Variants in GRIN2A observed in about 807,000 individuals in gnomAD.
The protein encoded by GRIN2A is glutamate receptor ionotropic, NMDA 2A.
A neutral mutation model predicts 113.4 loss-of-function variants in GRIN2A; 22 were observed. That is an observed-to-expected ratio of 0.19 (90% confidence interval 0.14 to 0.28). GRIN2A has a LOEUF of 0.28. Ranked by LOEUF, GRIN2A falls within the 10% of genes least tolerant of loss-of-function variation. The pLI is 1.00. For synonymous variants in GRIN2A, 827 were observed against 738.4 expected, an observed-to-expected ratio of 1.12 and a Z score of -1.94; for missense variants, 1,502 against 1,887.0, an observed-to-expected ratio of 0.80 and a Z score of 3.78.
At chr16:9,963,903 T>C (rs889730193) in intron 2 of GRIN2A, among the ~76,000 whole-genome samples, 4 of 152,190 alleles carry the variant, frequency 2.6e-5, no homozygotes, top group African/African-American at 9.7e-5. Flanking sequence ...TGCCATGTCC[T>C]GGTGGAGGAG....
intron 2 of GRIN2A, among the ~76,000 whole-genome samples, chr16:10,149,000 T>A (rs888153591): frequency 2.0e-5 from 3 of 152,234 alleles, no homozygotes; most frequent in Non-Finnish European, 4.4e-5. Context: ...CTCACCCATC[T>A]GTGGGAGCTA....
At chr16:9,980,947 C>G (rs1216904897) in intron 2 of GRIN2A, among the ~76,000 whole-genome samples, 1 of 150,808 alleles carries the variant, frequency 6.6e-6, no homozygotes, top group Non-Finnish European at 1.5e-5. Flanking sequence ...ATGTAACAAA[C>G]CTGCACGTTG....
chr16:10,040,652 CAAAT>C (rs2047148217), intron 2 of GRIN2A, among the ~76,000 whole-genome samples: 1 of 152,010 alleles, frequency 6.6e-6, no homozygotes, highest in South Asian at 2.1e-4. Flanking sequence ...CATACACACA[CAAAT>C]ACACACACAC....
chr16:10,071,093 G>T (rs1453655273), intron 2 of GRIN2A, among the ~76,000 whole-genome samples: 2 of 152,176 alleles, frequency 1.3e-5, no homozygotes, highest in Non-Finnish European at 2.9e-5. Context: ...GGGAAATCTA[G>T]TGTGTTAAAA....
rs886042648 is a variant in GRIN2A at position 9,763,822 on chromosome 16, C to T, written c.3722G>A (p.Arg1241Gln). ...RSPFKCDACL[R>Q]MGNLYDIDED... ...ATCGATGTCATAGAGGTTCCCCATC[C>T]GCAGGCAGGCATCGCACTTGAAGGG... The change falls in exon 13 of 13, where the codon CGG becomes CAG. Residue 1241 changes from arginine (R) to glutamine (Q), a missense_variant. Arg to Gln is a conservative substitution (Grantham distance 43). Transcript: ENST00000330684. 6.8e-6 allele frequency: 11 copies of T among 1,613,976 alleles called. No homozygotes were observed. Among genetic ancestry groups the T allele is most frequent in the African/African-American group, 1.3e-5 (1 of 74,894 alleles).
chr16:9,898,792 T>G (rs1374582428), intron 3 of GRIN2A, among the ~76,000 whole-genome samples: 1 of 75,038 alleles, frequency 1.3e-5, no homozygotes, highest in Non-Finnish European at 2.5e-5. Flanking sequence ...CACAGAGTGT[T>G]TTTTTTTTGT....
At chr16:9,880,596 GAGGCTTAGA>G (rs763909864) in intron 4 of GRIN2A, among the ~76,000 whole-genome samples, 1 of 152,138 alleles carries the variant, frequency 6.6e-6, no homozygotes, top group Non-Finnish European at 1.5e-5. Context: ...TCCCAGGGGA[GAGGCTTAGA>G]AAAGGCCAAG....
At chr16:9,961,648 C>T (rs1258651903) in intron 2 of GRIN2A, among the ~76,000 whole-genome samples, 1 of 152,202 alleles carries the variant, frequency 6.6e-6, no homozygotes, top group African/African-American at 2.4e-5. Context: ...TGCACTTGCA[C>T]CTCTTAAATT....
chr16:10,027,878 C>CAAACCAAAAGACAAGCAAA (rs2046853019), intron 2 of GRIN2A, among the ~76,000 whole-genome samples: 1 of 152,200 alleles, frequency 6.6e-6, no homozygotes, highest in African/African-American at 2.4e-5. Flanking sequence ...CCGAAAAGCA[C>CAAACCAAAAGACAAGCAAA]CCTTGTCTTT....
Position 9,763,992 on chromosome 16 carries a change from A to G in GRIN2A, c.3552T>C (p.Tyr1184=). ...NEEGLSNNDQ[Y]KLYSKHFTLK... is the part of the protein sequence containing the mutation. Reference sequence around the variant, plus strand: ...AGGTGAAGTGCTTGGAGTAGAGTTTATACTGGTCGTTGTTGGAAAGCCCCT... The same window carrying G: ...AGGTGAAGTGCTTGGAGTAGAGTTTGTACTGGTCGTTGTTGGAAAGCCCCT... The change falls in exon 13 of 13, where the codon TAT becomes TAC. Residue 1184 remains tyrosine, a synonymous_variant. Transcript: ENST00000330684. 6.2e-7 allele frequency: 1 copy of G among 1,614,088 alleles called. No homozygotes were observed. Among genetic ancestry groups the G allele is most frequent in the East Asian group, 2.2e-5 (1 of 44,858 alleles).
intron 5 of GRIN2A, 66 bp from the exon 6 acceptor site, chr16:9,841,170 G>C: frequency 7.6e-7 from 1 of 1,321,726 alleles, no homozygotes; most frequent in South Asian, 1.2e-5. Flanking sequence ...ATCATTAGCT[G>C]TACTCTTCTC....
intron 11 of GRIN2A, among the ~76,000 whole-genome samples, chr16:9,790,223 G>A (rs1902523873): frequency 6.6e-6 from 1 of 152,162 alleles, no homozygotes; most frequent in African/African-American, 2.4e-5. Flanking sequence ...TACTGCAGAG[G>A]TCAAGTCTTT....
intron 2 of GRIN2A, among the ~76,000 whole-genome samples, chr16:10,149,956 G>C (rs955046561): frequency 6.6e-6 from 1 of 152,196 alleles, no homozygotes; most frequent in African/African-American, 2.4e-5. Flanking sequence ...CAGAACAGGT[G>C]TGAAGAGGCT....
intron 2 of GRIN2A, among the ~76,000 whole-genome samples, chr16:10,022,597 A>T (rs547343214): frequency 2.5e-4 from 38 of 152,138 alleles, no homozygotes; most frequent in African/African-American, 8.4e-4. Flanking sequence ...CTCTTCCCTC[A>T]CCTCAGACTG....
At chr16:10,133,214 G>T (rs890563499) in intron 2 of GRIN2A, among the ~76,000 whole-genome samples, 2 of 152,210 alleles carry the variant, frequency 1.3e-5, no homozygotes, top group African/African-American at 4.8e-5. Flanking sequence ...ATCTTTGAGA[G>T]GTCGTAGTTC....
At chr16:9,921,449 C>T (rs906792519) in intron 3 of GRIN2A, among the ~76,000 whole-genome samples, 3 of 152,176 alleles carry the variant, frequency 2.0e-5, no homozygotes, top group Admixed American at 6.5e-5. Context: ...GAGAGGTCAT[C>T]TTGATACTGA....
intron 2 of GRIN2A, among the ~76,000 whole-genome samples, chr16:10,070,255 C>T (rs532603839): frequency 3.3e-5 from 5 of 152,260 alleles, no homozygotes; most frequent in South Asian, 2.1e-4. Context: ...TCCATTTAGG[C>T]CTCCTGACTT....
Position 10,068,749 on chromosome 16 carries a change from G to A in GRIN2A, c.414+111249C>T, listed in dbSNP as rs1199241316. Among the ~76,000 whole-genome samples, 5 of 152,218 alleles carry A rather than the reference G, an allele frequency of 3.3e-5. No individual in the cohort carries two copies. In the South Asian group the frequency reaches 6.2e-4, roughly 19 times the overall value. ...CAAACCAAACTAAGGTTAGTGCCAT[G>A]AGAGTAAAGGACAGAGGCCAGAGAC... On this transcript the variant is annotated intron_variant, in intron 2 of 12. Transcript: ENST00000330684.
chr16:9,814,891 A>G (rs946336384), intron 10 of GRIN2A, among the ~76,000 whole-genome samples: 2 of 152,072 alleles, frequency 1.3e-5, no homozygotes, highest in Non-Finnish European at 2.9e-5. Flanking sequence ...ATGGTGTTGC[A>G]TACCTGTAAT....
Sources: allele counts gnomAD v4.1 joint callset (sites outside exome capture counted in the v4.1 genomes callset), GRCh38; gene constraint gnomAD v4.1.1; transcripts MANE v1.5; gene names NCBI Gene and HGNC (gene_info 2026-07-23, HGNC 2026-07-21).